PTPRO: variants seen among roughly 807,000 people sequenced by gnomAD.
The protein encoded by PTPRO is protein tyrosine phosphatase receptor type O, also known as receptor-type tyrosine-protein phosphatase O.
PTPRO carries 62 observed loss-of-function variants against 145.2 expected under a neutral mutation model. The observed-to-expected ratio is 0.43, with a 90% CI of 0.35 to 0.53. PTPRO has a LOEUF of 0.53. Among genes scored for constraint, PTPRO ranks in the 20% least tolerant of loss-of-function variants. PTPRO has a pLI of 0.01. For synonymous variants in PTPRO, 565 were observed against 514.7 expected, an observed-to-expected ratio of 1.10 and a Z score of -1.32; for missense variants, 1,345 against 1,482.7, an observed-to-expected ratio of 0.91 and a Z score of 1.53.
intron 1 of PTPRO, among the ~76,000 whole-genome samples, chr12:15,467,082 TA>T (rs1311788031): frequency 1.3e-5 from 2 of 152,174 alleles, no homozygotes; most frequent in Admixed American, 6.5e-5. Context: ...AGGGAGTTGT[TA>T]AGAGGATTAA....
intron 1 of PTPRO, among the ~76,000 whole-genome samples, chr12:15,349,607 C>T (rs973197117): frequency 1.3e-5 from 2 of 152,152 alleles, no homozygotes. Flanking sequence ...GTTAGCTCTG[C>T]AAAGCAGATG....
chr12:15,384,879 A>G (rs1359178687), intron 1 of PTPRO, among the ~76,000 whole-genome samples: 1 of 152,222 alleles, frequency 6.6e-6, no homozygotes, highest in African/African-American at 2.4e-5. Context: ...TAAAAGCAAG[A>G]CCTATGACAA....
intron 5 of PTPRO, among the ~76,000 whole-genome samples, chr12:15,503,694 C>T (rs575622529): frequency 6.6e-6 from 1 of 152,144 alleles, no homozygotes; most frequent in South Asian, 2.1e-4. Flanking sequence ...GATTTGAATG[C>T]CGTATTTGAG....
At chr12:15,554,914 GT>G (rs1323219922) in intron 15 of PTPRO, among the ~76,000 whole-genome samples, 2 of 152,144 alleles carry the variant, frequency 1.3e-5, no homozygotes, top group African/African-American at 4.8e-5. Context: ...AAAGTCTAAT[GT>G]TTGAAAGAGA....
At chr12:15,367,626 G>A (rs1481976108) in intron 1 of PTPRO, among the ~76,000 whole-genome samples, 3 of 152,172 alleles carry the variant, frequency 2.0e-5, no homozygotes, top group East Asian at 3.9e-4. Flanking sequence ...TGTCTCAAAT[G>A]TAACAGACCT....
chr12:15,555,734 C>A (rs1213956227), intron 15 of PTPRO, among the ~76,000 whole-genome samples: 1 of 152,160 alleles, frequency 6.6e-6, no homozygotes, highest in East Asian at 1.9e-4. Flanking sequence ...CATCATTTTT[C>A]ATGCTATGAT....
At chr12:15,516,393 G>C (rs1942587747) in intron 8 of PTPRO, among the ~76,000 whole-genome samples, 1 of 148,544 alleles carries the variant, frequency 6.7e-6, no homozygotes, top group Non-Finnish European at 1.5e-5. Context: ...GAAAGAGAGA[G>C]AGAGAGAAAG....
chr12:15,354,416 C>G (rs1361308786), intron 1 of PTPRO, among the ~76,000 whole-genome samples: 3 of 152,186 alleles, frequency 2.0e-5, no homozygotes, highest in Admixed American at 2.0e-4. Context: ...TTTCTTAGTG[C>G]TTCAAACTAG....
At chr12:15,415,443 G>A (rs1322264082) in intron 1 of PTPRO, among the ~76,000 whole-genome samples, 2 of 150,844 alleles carry the variant, frequency 1.3e-5, no homozygotes, top group East Asian at 3.9e-4. Flanking sequence ...GGAGTGCAGT[G>A]GTGCAGTCTT....
At chr12:15,501,523 T>C (rs1375740158) in intron 4 of PTPRO, 97 bp from the exon 5 acceptor site, 8 of 1,162,160 alleles carry the variant, frequency 6.9e-6, no homozygotes, top group East Asian at 2.5e-5. Context: ...AATTCCACTT[T>C]TAAAAATCTG....
At chr12:15,502,419 G>C (rs553002951) in intron 5 of PTPRO, among the ~76,000 whole-genome samples, 11 of 152,248 alleles carry the variant, frequency 7.2e-5, no homozygotes, top group African/African-American at 2.4e-4. Flanking sequence ...ACATAACCTA[G>C]AGAAATTTTC....
intron 1 of PTPRO, among the ~76,000 whole-genome samples, chr12:15,345,948 C>G (rs187024793): frequency 1.3e-4 from 20 of 152,220 alleles, no homozygotes; most frequent in Admixed American, 4.6e-4. Flanking sequence ...CCCCTCTGAG[C>G]CTCTCTCATA....
chr12:15,424,696 G>A (rs1171407333), intron 1 of PTPRO, among the ~76,000 whole-genome samples: 2 of 151,948 alleles, frequency 1.3e-5, no homozygotes, highest in African/African-American at 4.8e-5. Flanking sequence ...AAAAACATCT[G>A]AGCTGAGTCT....
chr12:15,594,223 T>C (rs1944610721), intron 25 of PTPRO, among the ~76,000 whole-genome samples: 1 of 152,110 alleles, frequency 6.6e-6, no homozygotes, highest in Non-Finnish European at 1.5e-5. Context: ...TCTACTGCTC[T>C]TAATTTTAGA....
At chr12:15,421,083 C>T (rs904610704) in intron 1 of PTPRO, among the ~76,000 whole-genome samples, 2 of 152,154 alleles carry the variant, frequency 1.3e-5, no homozygotes, top group East Asian at 3.8e-4. Flanking sequence ...TCTCTTTGGT[C>T]TATTTTTCAT....
chr12:15,576,343 C>T (rs188604516), intron 19 of PTPRO, among the ~76,000 whole-genome samples: 20 of 152,354 alleles, frequency 1.3e-4, no homozygotes, highest in South Asian at 6.2e-4. Context: ...CTTCCACTTA[C>T]AGTGTTCAGC....
At chr12:15,507,452 A>AATAG (rs34762867) in intron 6 of PTPRO, among the ~76,000 whole-genome samples, 1 of 150,854 alleles carries the variant, frequency 6.6e-6, no homozygotes, top group Non-Finnish European at 1.5e-5. Context: ...TAAATAAATA[A>AATAG]GGAATGAAAT....
At chr12:15,455,316 CA>C (rs996776220) in intron 1 of PTPRO, among the ~76,000 whole-genome samples, 2,242 of 150,150 alleles carry the variant, frequency 0.015, 40 homozygotes, top group Middle Eastern at 0.041. Flanking sequence ...CCTTCCCCCC[CA>C]CACACACAAT....
At chr12:15,515,410 A>G (rs1942555869) in intron 7 of PTPRO, 88 bp from the exon 8 acceptor site, 1 of 1,545,246 alleles carries the variant, frequency 6.5e-7, no homozygotes, top group East Asian at 2.3e-5. Context: ...TGTGATTCCA[A>G]AAAGAGTCTC....
Sources: gnomAD v4.1 joint callset for allele counts (sites outside exome capture counted in the v4.1 genomes callset) on GRCh38, gnomAD v4.1.1 for gene constraint, MANE v1.5 for transcripts, NCBI Gene and HGNC (gene_info 2026-07-23, HGNC 2026-07-21) for gene names.